SLC25A21: variants seen among roughly 807,000 people sequenced by gnomAD.
SLC25A21 encodes the protein mitochondrial 2-oxodicarboxylate carrier.
A neutral mutation model predicts 43.8 loss-of-function variants in SLC25A21; 47 were observed. The observed-to-expected ratio is 1.07, with a 90% CI of 0.85 to 1.37. The LOEUF (loss-of-function observed/expected upper bound fraction) is 1.37, where lower values mean the gene tolerates loss of function less well. Ranked by LOEUF, SLC25A21 falls within the 40% of genes most tolerant of loss-of-function variation. The pLI, the probability that SLC25A21 is intolerant of heterozygous loss-of-function variation, is 0.00. For missense variants in SLC25A21, 352 were observed against 350.2 expected (o/e 1.00, Z -0.04); for synonymous variants, 131 against 121.3 (o/e 1.08, Z -0.52).
intron 1 of SLC25A21, among the ~76,000 whole-genome samples, chr14:37,005,300 T>C (rs547128842): frequency 7.0e-6 from 1 of 143,804 alleles, no homozygotes; most frequent in South Asian, 2.3e-4. Flanking sequence ...TGGACATGCA[T>C]CCGCAGGAAG....
chr14:37,003,795 T>G lies in SLC25A21; in HGVS notation c.71-128791A>C, dbSNP rs553317613. Reference sequence around the variant, plus strand: ...GACTCTGGAGTGCCAGTTATGTCTGTTTCTTTCTCTGGGTATTAGTCACAT... The same window carrying G: ...GACTCTGGAGTGCCAGTTATGTCTGGTTCTTTCTCTGGGTATTAGTCACAT... On this transcript the variant is annotated intron_variant, in intron 1 of 9. Coordinates refer to ENST00000331299, the MANE Select transcript of SLC25A21 (RefSeq NM_030631.4). 2.0e-5 allele frequency among the ~76,000 whole-genome samples: 3 copies of G among 152,330 alleles called. No homozygotes were observed. In the South Asian group the frequency reaches 6.2e-4, roughly 32 times the overall value.
chr14:37,116,760 A>G (rs1276361483), intron 1 of SLC25A21, among the ~76,000 whole-genome samples: 1 of 152,200 alleles, frequency 6.6e-6, no homozygotes, highest in African/African-American at 2.4e-5. Flanking sequence ...TGAACATATA[A>G]AAGTTAAGGT....
intron 1 of SLC25A21, among the ~76,000 whole-genome samples, chr14:37,078,910 A>T (rs1230619671): frequency 6.6e-6 from 1 of 152,102 alleles, no homozygotes; most frequent in African/African-American, 2.4e-5. Flanking sequence ...CCACAACAGA[A>T]CAGACTATGG....
At chr14:36,744,392 C>T (rs1180310069) in intron 3 of SLC25A21, among the ~76,000 whole-genome samples, 2 of 151,130 alleles carry the variant, frequency 1.3e-5, no homozygotes, top group African/African-American at 2.4e-5. Context: ...CACATACCTA[C>T]AACCAACTGA....
At chr14:37,029,758 CTTTT>C (rs57538608) in intron 1 of SLC25A21, among the ~76,000 whole-genome samples, 1,117 of 106,244 alleles carry the variant, frequency 0.011, 10 homozygotes, top group African/African-American at 0.045. Context: ...TAATAGCCGA[CTTTT>C]TTTTTTTTTT....
At chr14:36,758,903 C>T (rs532534862) in intron 3 of SLC25A21, among the ~76,000 whole-genome samples, 8 of 152,258 alleles carry the variant, frequency 5.3e-5, no homozygotes, top group South Asian at 2.1e-4. Flanking sequence ...GGATGCATTT[C>T]GGCAAGGGAT....
chr14:36,697,143 A>C (rs1237854092), intron 7 of SLC25A21, among the ~76,000 whole-genome samples: 1 of 152,142 alleles, frequency 6.6e-6, no homozygotes, highest in Non-Finnish European at 1.5e-5. Context: ...GAACATCTTT[A>C]TTTCTGCCTT....
At chr14:36,869,205 T>G (rs1266129031) in intron 2 of SLC25A21, among the ~76,000 whole-genome samples, 1 of 152,200 alleles carries the variant, frequency 6.6e-6, no homozygotes, top group Non-Finnish European at 1.5e-5. Context: ...CAGGATCAGC[T>G]AAAAGTCAAA....
intron 1 of SLC25A21, among the ~76,000 whole-genome samples, chr14:36,954,807 T>A (rs1959290324): frequency 2.6e-5 from 4 of 152,164 alleles, no homozygotes; most frequent in Admixed American, 2.6e-4. Flanking sequence ...TTTCTTCATT[T>A]TCTTTGTACC....
At chr14:36,900,391 A>C (rs1478533677) in intron 1 of SLC25A21, among the ~76,000 whole-genome samples, 1 of 152,124 alleles carries the variant, frequency 6.6e-6, no homozygotes, top group Non-Finnish European at 1.5e-5. Flanking sequence ...TCAGAGCTTT[A>C]AATCTCTGCG....
At chr14:36,696,694 G>A (rs7144078) in intron 7 of SLC25A21, among the ~76,000 whole-genome samples, 23 of 151,944 alleles carry the variant, frequency 1.5e-4, no homozygotes, top group East Asian at 9.6e-4. Flanking sequence ...GTTTATTTGC[G>A]TAGAGGTGTT....
intron 3 of SLC25A21, among the ~76,000 whole-genome samples, chr14:36,801,625 C>T (rs1283014085): frequency 1.3e-5 from 2 of 152,278 alleles, no homozygotes; most frequent in Non-Finnish European, 2.9e-5. Context: ...CTGTTATTTT[C>T]AGCAGGAGGG....
chr14:36,789,323 G>A (rs1408895423), intron 3 of SLC25A21, among the ~76,000 whole-genome samples: 1 of 151,674 alleles, frequency 6.6e-6, no homozygotes, highest in Non-Finnish European at 1.5e-5. Context: ...ATAGATTTTT[G>A]GGGAGGAGAA....
chr14:36,822,784 C>T (rs922409396), intron 2 of SLC25A21, among the ~76,000 whole-genome samples: 2 of 152,194 alleles, frequency 1.3e-5, no homozygotes, highest in African/African-American at 4.8e-5. Flanking sequence ...ATCCTAGACA[C>T]ATCTAATTGC....
At chr14:36,721,669 G>A (rs143664143) in intron 6 of SLC25A21, among the ~76,000 whole-genome samples, 5 of 152,232 alleles carry the variant, frequency 3.3e-5, no homozygotes, top group African/African-American at 1.2e-4. Context: ...GAAAAAATAT[G>A]GGTTCTGCTC....
intron 7 of SLC25A21, among the ~76,000 whole-genome samples, chr14:36,700,631 G>A (rs1219466449): frequency 6.6e-6 from 1 of 151,940 alleles, no homozygotes; most frequent in Admixed American, 6.6e-5. Flanking sequence ...GTGGAGACAG[G>A]CAACAGGCTC....
intron 1 of SLC25A21, among the ~76,000 whole-genome samples, chr14:37,106,337 T>C (rs1962912172): frequency 6.6e-6 from 1 of 152,020 alleles, no homozygotes; most frequent in Non-Finnish European, 1.5e-5. Context: ...CAAGTAATAT[T>C]ATTATTAATA....
intron 1 of SLC25A21, among the ~76,000 whole-genome samples, chr14:37,116,711 C>A (rs1274620674): frequency 6.6e-6 from 1 of 152,014 alleles, no homozygotes; most frequent in Admixed American, 6.6e-5. Flanking sequence ...TTAGTTAAAT[C>A]CACAAATTAT....
chr14:36,802,856 TA>T (rs1251930227), intron 3 of SLC25A21, among the ~76,000 whole-genome samples: 1 of 152,120 alleles, frequency 6.6e-6, no homozygotes, highest in Non-Finnish European at 1.5e-5. Flanking sequence ...GGCTGGAACA[TA>T]AGAGGCATGT....
Sources: gnomAD v4.1 joint callset for allele counts (sites outside exome capture counted in the v4.1 genomes callset) on GRCh38, gnomAD v4.1.1 for gene constraint, MANE v1.5 for transcripts, NCBI Gene and HGNC (gene_info 2026-07-23, HGNC 2026-07-21) for gene names.